The following GRM7 variants were observed in gnomAD, a reference collection of about 807,000 sequenced individuals.
GRM7 encodes the protein glutamate metabotropic receptor 7, also known as metabotropic glutamate receptor 7.
A neutral mutation model predicts 84.5 loss-of-function variants in GRM7; 35 were observed. That is an observed-to-expected ratio of 0.41 (90% CI 0.32 to 0.55). The LOEUF (loss-of-function observed/expected upper bound fraction) is 0.55. Among genes scored for constraint, GRM7 ranks in the 20% least tolerant of loss-of-function variants. GRM7 has a pLI of 0.19. For missense variants in GRM7, 1,003 were observed against 1,194.6 expected, an observed-to-expected ratio of 0.84 and a Z score of 2.36; for synonymous variants, 487 against 455.1, an observed-to-expected ratio of 1.07 and a Z score of -0.89.
intron 1 of GRM7, among the ~76,000 whole-genome samples, chr3:7,101,592 T>C (rs1255297147): frequency 6.6e-6 from 1 of 151,504 alleles, no homozygotes; most frequent in East Asian, 1.9e-4. Context: ...CATTTTCTTA[T>C]TAGTATATTT....
rs979458369 is a variant in GRM7 at position 7,188,860 on chromosome 3, A to T, written c.736+42192A>T. On this transcript the variant is annotated intron_variant, in intron 2 of 9. Transcript: ENST00000357716. This position sits in a 1 kb window ranked among gnomAD's most constrained non-coding sequence, Gnocchi z 4.2. ...AGTGAAGGGAGAGACAGAGTAAAAG[A>T]CACACCTGCTTCTTAACACCTACGG... is the stretch of plus-strand genomic sequence containing the variant. 6.6e-6 allele frequency among the ~76,000 whole-genome samples: 1 copy of T among 152,216 alleles called. No individual in the cohort carries two copies. Among genetic ancestry groups the T allele is most frequent in the Non-Finnish European group, 1.5e-5 (1 of 68,032 alleles).
At chr3:7,063,286 A>C (rs943326000) in intron 1 of GRM7, among the ~76,000 whole-genome samples, 4 of 151,728 alleles carry the variant, frequency 2.6e-5, no homozygotes, top group African/African-American at 9.7e-5. Context: ...TGAATCAGAG[A>C]TTATCTTAAT....
intron 1 of GRM7, among the ~76,000 whole-genome samples, chr3:6,934,782 G>A (rs1697630442): frequency 6.6e-6 from 1 of 152,142 alleles, no homozygotes; most frequent in African/African-American, 2.4e-5. Context: ...AGAACTAGAT[G>A]AAGTTTGGAT....
chr3:7,638,258 A>T (rs545556952), intron 8 of GRM7, among the ~76,000 whole-genome samples: 1 of 152,322 alleles, frequency 6.6e-6, no homozygotes, highest in Non-Finnish European at 1.5e-5. Context: ...TGAAAGTAGA[A>T]GCTCCATAAT....
rs145109438 is a variant in GRM7, at chr3:7,676,254, T to A, written c.2452-3795T>A. 1.4e-4 allele frequency among the ~76,000 whole-genome samples: 21 copies of A among 152,174 alleles called. 1 individual carries two copies. In the East Asian group the frequency reaches 4.1e-3, roughly 30 times the overall value. On this transcript the variant is annotated intron_variant, in intron 8 of 9. Transcript: ENST00000357716. ...ACTCATAACTTCAGTGTGAGCCTCC[T>A]ACCTCACCAAAAGCCAAAGAGTCAG...
chr3:7,161,354 T>A (rs1189380679), intron 2 of GRM7, among the ~76,000 whole-genome samples: 1 of 151,386 alleles, frequency 6.6e-6, no homozygotes, highest in Admixed American at 6.6e-5. Context: ...GTGGCATGGG[T>A]CAAATCGCTA....
At chr3:7,117,087 A>G (rs1693061621) in intron 1 of GRM7, among the ~76,000 whole-genome samples, 1 of 152,142 alleles carries the variant, frequency 6.6e-6, no homozygotes, top group African/African-American at 2.4e-5. Flanking sequence ...ACGCCAAGTA[A>G]AGGGGTTAGC....
intron 4 of GRM7, among the ~76,000 whole-genome samples, chr3:7,346,815 CTTT>C (rs1452851114): frequency 1.3e-5 from 2 of 152,082 alleles, no homozygotes; most frequent in Admixed American, 6.5e-5. Flanking sequence ...TATTCTGATC[CTTT>C]ATGATAAGAT....
At chr3:7,312,230 T>C (rs567753705) in intron 4 of GRM7, among the ~76,000 whole-genome samples, 61 of 152,216 alleles carry the variant, frequency 4.0e-4, no homozygotes, top group African/African-American at 1.4e-3. Context: ...TTGCCACAGA[T>C]GTCTGAACAG....
At chr3:7,680,899 A>C (rs1055506788) in intron 9 of GRM7, 16 of 152,760 alleles carry the variant, frequency 1.0e-4, no homozygotes, top group African/African-American at 3.8e-4. Context: ...TATGCAAGAC[A>C]AACCTTAGGG....
At chr3:7,048,872 C>T (rs542784087) in intron 1 of GRM7, among the ~76,000 whole-genome samples, 19 of 151,976 alleles carry the variant, frequency 1.3e-4, no homozygotes, top group South Asian at 4.1e-4. Flanking sequence ...TCCTCACCCC[C>T]GGTAACCACC....
chr3:7,374,283 C>T (rs1391966), intron 4 of GRM7, among the ~76,000 whole-genome samples: 93,063 of 151,462 alleles, frequency 0.61, 29,141 homozygotes, highest in African/African-American at 0.75. Context: ...GCTGTTCAAG[C>T]GATTTTCCCA....
At chr3:7,557,411 T>C (rs1278523329) in intron 7 of GRM7, among the ~76,000 whole-genome samples, 1 of 152,204 alleles carries the variant, frequency 6.6e-6, no homozygotes, top group Non-Finnish European at 1.5e-5. Context: ...AGTTTGAATA[T>C]ATTTTGAAAT....
intron 9 of GRM7, among the ~76,000 whole-genome samples, chr3:7,721,695 G>A (rs1231628066): frequency 1.3e-5 from 2 of 152,148 alleles, no homozygotes; most frequent in African/African-American, 4.8e-5. Context: ...TTTGCAAATG[G>A]TGTCACATCA....
intron 1 of GRM7, among the ~76,000 whole-genome samples, chr3:6,883,240 T>C (rs759800333): frequency 6.6e-5 from 10 of 152,172 alleles, no homozygotes; most frequent in Admixed American, 3.9e-4. Context: ...TATGCATTTA[T>C]TCACATTGAT....
intron 8 of GRM7, among the ~76,000 whole-genome samples, chr3:7,657,728 C>G (rs562806972): frequency 1.3e-5 from 2 of 151,998 alleles, no homozygotes; most frequent in Non-Finnish European, 2.9e-5. Flanking sequence ...GGGAGGGGAG[C>G]AGAAACAGAT....
At chr3:6,951,306 T>C (rs1485159159) in intron 1 of GRM7, among the ~76,000 whole-genome samples, 1 of 152,166 alleles carries the variant, frequency 6.6e-6, no homozygotes, top group Non-Finnish European at 1.5e-5. Flanking sequence ...ATTTTTATTA[T>C]TTTTTTCTTC....
intron 5 of GRM7, among the ~76,000 whole-genome samples, chr3:7,426,624 T>G (rs1468336237): frequency 6.6e-6 from 1 of 152,166 alleles, no homozygotes; most frequent in African/African-American, 2.4e-5. Context: ...CTTCCTGTCC[T>G]TCTGAGAGAC....
chr3:7,263,554 T>A (rs1193265231), intron 2 of GRM7, among the ~76,000 whole-genome samples: 4 of 152,162 alleles, frequency 2.6e-5, no homozygotes, highest in Admixed American at 2.6e-4. Context: ...CACCTCCACC[T>A]CACCAGCTAC....
Sources: gnomAD v4.1 joint callset for allele counts (sites outside exome capture counted in the v4.1 genomes callset) on GRCh38, gnomAD v4.1.1 for gene constraint, Gnocchi (gnomAD v3.1) non-coding constraint, MANE v1.5 for transcripts, NCBI Gene and HGNC (gene_info 2026-07-23, HGNC 2026-07-21) for gene names.